CHST9: variants seen among roughly 807,000 people sequenced by gnomAD.
CHST9 encodes the protein carbohydrate sulfotransferase 9, also known as GalNAc-4-sulfotransferase 2.
In CHST9, 41 loss-of-function variants were observed where a neutral mutation model predicts 44.4. The observed-to-expected ratio is 0.92, with a 90% CI of 0.72 to 1.20. CHST9 has a LOEUF of 1.20. CHST9 is among the 50% of genes most tolerant of loss of function. The pLI is 0.00. For missense variants in CHST9, 504 were observed against 516.5 expected (o/e 0.98, Z 0.23); for synonymous variants, 171 against 178.4 (o/e 0.96, Z 0.33).
chr18:27,106,628 T>C (rs901340350), intron 2 of CHST9, among the ~76,000 whole-genome samples: 16 of 152,234 alleles, frequency 1.1e-4, no homozygotes, highest in African/African-American at 3.9e-4. Flanking sequence ...TTAGTATTTA[T>C]AGTTTGTTTT....
chr18:27,113,427 A>G (rs1483756291), intron 2 of CHST9, among the ~76,000 whole-genome samples: 1 of 152,198 alleles, frequency 6.6e-6, no homozygotes, highest in African/African-American at 2.4e-5. Flanking sequence ...AACTATTAAT[A>G]TGCCTCATTT....
intron 1 of CHST9, among the ~76,000 whole-genome samples, chr18:27,179,410 ATAGG>A (rs10607722): frequency 0.71 from 107,051 of 151,274 alleles, 38,063 homozygotes; most frequent in East Asian, 0.77. Flanking sequence ...GTAAAGATAG[ATAGG>A]TAGGGGCATG....
intron 4 of CHST9, among the ~76,000 whole-genome samples, chr18:27,018,723 G>A (rs997183184): frequency 2.0e-5 from 3 of 152,132 alleles, no homozygotes; most frequent in African/African-American, 4.8e-5. Context: ...AAAAGCTTAG[G>A]AAGGCTGCAG....
In CHST9 at chr18:26,926,467, T is replaced by C. The variant is rs139380529; in HGVS notation, c.241-9117A>G. On this transcript the variant is annotated intron_variant, in intron 5 of 5. Coordinates refer to ENST00000618847, the MANE Select transcript of CHST9 (RefSeq NM_031422.6). ...AAGCGGAAAACTGACATAACCTTAA[T>C]GTATATAAGTAGATAAGGCTACTCC... Among the ~76,000 whole-genome samples, 1,163 of 152,358 alleles carry C rather than the reference T, an allele frequency of 7.6e-3. 14 individuals are homozygous for C. Among genetic ancestry groups the C allele is most frequent in the African/African-American group, 0.027 (1,134 of 41,586 alleles).
At chr18:26,985,391 A>G (rs1459052427) in intron 4 of CHST9, among the ~76,000 whole-genome samples, 4 of 152,222 alleles carry the variant, frequency 2.6e-5, no homozygotes. Context: ...AATAGAATTA[A>G]CTACGGTTTG....
Position 26,964,995 on chromosome 18 carries a change from G to A in CHST9, c.203-20629C>T, listed in dbSNP as rs192983570. The stretch of plus-strand genomic sequence containing the variant: ...GGAGCCTTAGACTAGAAAATAAGAG[G>A]GTTTCCTCTGCTTTAATGTCCAGAA... On this transcript the variant is annotated intron_variant, in intron 4 of 5. Coordinates refer to ENST00000618847, the MANE Select transcript of CHST9 (RefSeq NM_031422.6). Among the ~76,000 whole-genome samples, 936 of 152,126 alleles carry A rather than the reference G, an allele frequency of 6.2e-3. 9 individuals carry two copies. The highest frequency in any genetic ancestry group is 0.02 in the African/African-American group (825 of 41,504).
At chr18:26,917,422 C>T (rs1164482536) in intron 5 of CHST9, 72 bp from the exon 6 acceptor site, 1 of 1,490,484 alleles carries the variant, frequency 6.7e-7, no homozygotes, top group Middle Eastern at 1.8e-4. Flanking sequence ...AGGAACTTCA[C>T]ATATTTGTTT....
intron 5 of CHST9, among the ~76,000 whole-genome samples, chr18:26,931,564 T>C (rs1294584318): frequency 6.6e-6 from 1 of 152,190 alleles, no homozygotes; most frequent in Non-Finnish European, 1.5e-5. Flanking sequence ...TGACCATATT[T>C]TGAGATCCCC....
intron 3 of CHST9, among the ~76,000 whole-genome samples, chr18:27,036,721 T>C (rs2057393714): frequency 6.6e-6 from 1 of 152,200 alleles, no homozygotes; most frequent in Non-Finnish European, 1.5e-5. Context: ...TTTAGTGTGC[T>C]TATACCTGCA....
chr18:27,128,375 T>C (rs1220414506), intron 2 of CHST9, among the ~76,000 whole-genome samples: 6 of 152,202 alleles, frequency 3.9e-5, no homozygotes, highest in Non-Finnish European at 8.8e-5. Flanking sequence ...GTTCAAGCAA[T>C]GCTCCTGCCT....
chr18:27,110,760 A>G (rs140584640), intron 2 of CHST9, among the ~76,000 whole-genome samples: 20 of 152,340 alleles, frequency 1.3e-4, no homozygotes, highest in South Asian at 6.2e-4. Context: ...GTGGACAGCT[A>G]GAGCATTGCT....
intron 1 of CHST9, among the ~76,000 whole-genome samples, chr18:27,168,861 G>C (rs1371011444): frequency 2.0e-5 from 3 of 152,192 alleles, no homozygotes; most frequent in Non-Finnish European, 4.4e-5. Flanking sequence ...TGTAAAGGGA[G>C]ATTACCCTGG....
At chr18:27,090,473 G>A (rs1332433746) in intron 2 of CHST9, among the ~76,000 whole-genome samples, 2 of 152,196 alleles carry the variant, frequency 1.3e-5, no homozygotes, top group Admixed American at 1.3e-4. Context: ...TGTCCATTTT[G>A]GCTTCTATTG....
intron 2 of CHST9, among the ~76,000 whole-genome samples, chr18:27,129,850 C>A (rs1316816890): frequency 6.6e-6 from 1 of 151,972 alleles, no homozygotes; most frequent in Non-Finnish European, 1.5e-5. Flanking sequence ...GAACAGAAAC[C>A]ATATTCTTGC....
chr18:27,052,586 A>G (rs17703962), intron 2 of CHST9, among the ~76,000 whole-genome samples: 17,353 of 152,072 alleles, frequency 0.11, 1,200 homozygotes, highest in Middle Eastern at 0.24. Flanking sequence ...TCCAAAATCT[A>G]CTTAGGTTTT....
In CHST9 at chr18:27,176,084, G is replaced by A. The variant is rs76031502; in HGVS notation, c.-97+9052C>T. Among the ~76,000 whole-genome samples the A allele has an allele frequency of 2.5e-4, 38 of 152,090 alleles. No individual in the cohort carries two copies. In the East Asian group the frequency reaches 6.0e-3, roughly 24 times the overall value. On this transcript the variant is annotated intron_variant, in intron 1 of 5. Coordinates refer to ENST00000618847, the MANE Select transcript of CHST9 (RefSeq NM_031422.6). The stretch of plus-strand genomic sequence containing the variant: ...GATGGGAGAGAGCTGGAATGTTAAG[G>A]CAGCTTGAAGAAAGCCAGGCAGCTG...
At chr18:27,075,724 C>G (rs986450907) in intron 2 of CHST9, among the ~76,000 whole-genome samples, 1 of 152,054 alleles carries the variant, frequency 6.6e-6, no homozygotes, top group Non-Finnish European at 1.5e-5. Flanking sequence ...CTTACATCTC[C>G]TATTAGACAT....
At chr18:27,001,467 G>A (rs935911984) in intron 4 of CHST9, among the ~76,000 whole-genome samples, 1 of 152,136 alleles carries the variant, frequency 6.6e-6, no homozygotes, top group Non-Finnish European at 1.5e-5. Flanking sequence ...TTTCCTAGAA[G>A]TGCTTTTACT....
intron 4 of CHST9, among the ~76,000 whole-genome samples, chr18:27,000,205 A>G (rs1259774069): frequency 6.6e-6 from 1 of 152,234 alleles, no homozygotes; most frequent in African/African-American, 2.4e-5. Flanking sequence ...ATAGCTAACC[A>G]TGCTCCTAGA....
Sources: allele counts gnomAD v4.1 joint callset (sites outside exome capture counted in the v4.1 genomes callset), GRCh38; gene constraint gnomAD v4.1.1; transcripts MANE v1.5; gene names NCBI Gene and HGNC (gene_info 2026-07-23, HGNC 2026-07-21).